Variants in NEK10 observed in about 807,000 individuals in gnomAD.
NEK10 encodes NIMA related kinase 10, also known as serine/threonine-protein kinase Nek10.
NEK10 carries 122 observed loss-of-function variants against 159.8 expected under a neutral mutation model. That is an observed-to-expected ratio of 0.76 (90% CI 0.66 to 0.89). The LOEUF (loss-of-function observed/expected upper bound fraction) is 0.89, where lower values mean the gene tolerates loss of function less well. Among genes scored for constraint, NEK10 ranks in the 40% least tolerant of loss-of-function variants. The probability of loss-of-function intolerance (pLI) is 0.00; values close to 1 mark genes in which losing one functional copy is unlikely to be tolerated. For synonymous variants in NEK10, 466 were observed against 457.1 expected (o/e 1.02, Z -0.25); for missense variants, 1,342 against 1,323.1 (o/e 1.01, Z -0.22).
At position 27,290,750 on chromosome 3, in the gene NEK10, C is replaced by T. The variant is rs1575607451; in HGVS notation, c.1610G>A (p.Arg537Lys). 1 of 1,595,640 alleles carries T rather than the reference C, an allele frequency of 6.3e-7. No homozygotes were observed. Among genetic ancestry groups the T allele is most frequent in the Non-Finnish European group, 8.5e-7 (1 of 1,172,194 alleles). ...TAAAAGATTTTGACCACTATGCTTT[C>T]TAACCTAAAATAAAGAAAAACACAA... Reference protein sequence around the residue: ...SGAFGCVYKVRKHSGQNLLAM... With the variant: ...SGAFGCVYKVKKHSGQNLLAM... Residue 537 changes from arginine to lysine, a missense_variant, in exon 19 of 36, where the codon AGA becomes AAA. Arg to Lys is a conservative substitution (Grantham distance 26). Transcript: ENST00000691995.
In NEK10 at chr3:27,310,929, CTCTT is replaced by C. The variant is rs1303606055; in HGVS notation, c.636+16_636+19del. 6.6e-7 allele frequency: 1 copy of C among 1,523,316 alleles called. No individual in the cohort carries two copies. Among genetic ancestry groups the C allele is most frequent in the Admixed American group, 1.7e-5 (1 of 59,620 alleles). The allele number at this position is 1,523,316 out of a possible 1,614,324, so 94.4% of individuals were successfully genotyped here. ...TTGCCATAGGGAGCTGAAGCATTAA[CTCTT>C]TCAGGGGCCACTCACCTTGTGGGCT... On this transcript the variant is annotated intron_variant, in intron 9 of 35. Coordinates refer to ENST00000691995, the MANE Select transcript of NEK10 (RefSeq NM_001394966.1).
intron 23 of NEK10, among the ~76,000 whole-genome samples, chr3:27,205,196 G>C (rs535550642): frequency 6.6e-6 from 1 of 151,656 alleles, no homozygotes; most frequent in Non-Finnish European, 1.5e-5. Context: ...CACTGCTCAA[G>C]GAAATAAAAG....
chr3:27,178,380 T>C (rs1049019635), intron 26 of NEK10, among the ~76,000 whole-genome samples: 2 of 152,142 alleles, frequency 1.3e-5, no homozygotes, highest in South Asian at 2.1e-4. Context: ...ATATAAAGCA[T>C]AACAACAGCT....
intron 6 of NEK10, among the ~76,000 whole-genome samples, chr3:27,319,075 G>T (rs555285810): frequency 2.0e-5 from 3 of 152,272 alleles, no homozygotes; most frequent in African/African-American, 7.2e-5. Flanking sequence ...CTAAAAACAG[G>T]TTGGGGAATG....
rs1575323460 is a variant in NEK10, at chr3:27,108,919, GT to G, written c.*2352del. Among the ~76,000 whole-genome samples, 1 of 152,192 alleles carries G rather than the reference GT, an allele frequency of 6.6e-6. No individual in the cohort carries two copies. The highest frequency in any genetic ancestry group is 1.9e-4 in the East Asian group (1 of 5,198). On this transcript the variant is annotated 3_prime_UTR_variant, in exon 36 of 36. Transcript: ENST00000691995. Reference sequence around the variant, plus strand: ...AAATATAGACTCAGTGATTGTGGTAGTTTAGGGAGAATTCAAATAGAGCATA... The same window carrying G: ...AAATATAGACTCAGTGATTGTGGTAGTTAGGGAGAATTCAAATAGAGCATA...
At position 27,290,760 on chromosome 3, in the gene NEK10, A is replaced by T; in HGVS notation, c.1606-6T>A. 6.3e-7 allele frequency: 1 copy of T among 1,588,322 alleles called. No individual in the cohort carries two copies. The highest frequency in any genetic ancestry group is 1.2e-5 in the South Asian group (1 of 86,608). ...TGACCACTATGCTTTCTAACCTAAA[A>T]TAAAGAAAAACACAACAACAACAAA... On this transcript the variant is annotated splice_polypyrimidine_tract_variant and splice_region_variant and intron_variant, in intron 18 of 35. Transcript: ENST00000691995.
At chr3:27,168,209 G>C (rs2148847700) in intron 29 of NEK10, among the ~76,000 whole-genome samples, 1 of 151,630 alleles carries the variant, frequency 6.6e-6, no homozygotes, top group African/African-American at 2.4e-5. Flanking sequence ...GAGCTGCCTA[G>C]GGTCTCCTTG....
At chr3:27,184,689 T>C (rs1298045154) in intron 26 of NEK10, among the ~76,000 whole-genome samples, 1 of 152,244 alleles carries the variant, frequency 6.6e-6, no homozygotes, top group African/African-American at 2.4e-5. Flanking sequence ...AGTCATGGTT[T>C]TTCCTGATAT....
chr3:27,152,625 G>A (rs1161676488), intron 30 of NEK10, among the ~76,000 whole-genome samples: 1 of 151,684 alleles, frequency 6.6e-6, no homozygotes, highest in African/African-American at 2.4e-5. Flanking sequence ...AAAGTACACA[G>A]GAAACAAATA....
chr3:27,347,315 C>T (rs1382425025), intron 3 of NEK10, among the ~76,000 whole-genome samples: 1 of 151,666 alleles, frequency 6.6e-6, no homozygotes, highest in Non-Finnish European at 1.5e-5. Flanking sequence ...GGGAGCCTGA[C>T]CAACATGGAG....
chr3:27,116,095 T>C lies in NEK10; in HGVS notation c.3223A>G (p.Ile1075Val). Residue 1075 changes from isoleucine (I) to valine (V), a missense_variant, in exon 34 of 36, where the codon ATA (isoleucine) becomes GTA (valine). By Grantham distance (29) the Ile-to-Val change is conservative. Coordinates refer to ENST00000691995, the MANE Select transcript of NEK10 (RefSeq NM_001394966.1). Reference protein sequence around the residue: ...LPTSIELEEGITYEQMQTVIE... With the variant: ...LPTSIELEEGVTYEQMQTVIE... ...CTCACCTGCATCTGTTCATATGTTA[T>C]TCCTTCCTCCAATTCAATGCTGGTT... 1.9e-6 allele frequency: 3 copies of C among 1,613,654 alleles called. No individual in the cohort carries two copies. The highest frequency in any genetic ancestry group is 2.5e-6 in the Non-Finnish European group (3 of 1,179,746).
chr3:27,252,787 C>G, intron 23 of NEK10: 1 of 434,204 alleles, frequency 2.3e-6, no homozygotes, highest in Non-Finnish European at 4.6e-6. Flanking sequence ...TCAGAGGGAG[C>G]CCAGATGAAA....
rs1939085049 is a variant in NEK10, at chr3:27,107,230, T to A, written c.*4042A>T. Among the ~76,000 whole-genome samples, 1 of 152,082 alleles carries A rather than the reference T, an allele frequency of 6.6e-6. No individual in the cohort carries two copies. The highest frequency in any genetic ancestry group is 2.1e-4 in the South Asian group (1 of 4,812). ...CCATGAACTCAGAAAATATGTAAATTGGCAATATCCATCAGACACCCCATG... is the reference window on the plus strand; with the variant it reads ...CCATGAACTCAGAAAATATGTAAATAGGCAATATCCATCAGACACCCCATG... On this transcript the variant is annotated 3_prime_UTR_variant, in exon 36 of 36. Coordinates refer to ENST00000691995, the MANE Select transcript of NEK10 (RefSeq NM_001394966.1).
At chr3:27,331,069 C>G (rs2046356575) in intron 5 of NEK10, among the ~76,000 whole-genome samples, 1 of 151,794 alleles carries the variant, frequency 6.6e-6, no homozygotes, top group Admixed American at 6.6e-5. Flanking sequence ...AACCCTGTCT[C>G]TACTAAAAAA....
At chr3:27,330,617 A>G (rs1416294498) in intron 5 of NEK10, among the ~76,000 whole-genome samples, 1 of 152,228 alleles carries the variant, frequency 6.6e-6, no homozygotes, top group Non-Finnish European at 1.5e-5. Flanking sequence ...AAAGCAATCA[A>G]AATAATTTAA....
intron 26 of NEK10, among the ~76,000 whole-genome samples, chr3:27,191,144 G>C (rs1180498000): frequency 1.4e-4 from 21 of 152,150 alleles, no homozygotes; most frequent in Admixed American, 1.4e-3. Context: ...TGTTATTCAA[G>C]AAATCAGAAC....
At chr3:27,128,508 G>T (rs1942231985) in intron 32 of NEK10, among the ~76,000 whole-genome samples, 1 of 152,006 alleles carries the variant, frequency 6.6e-6, no homozygotes, top group African/African-American at 2.4e-5. Context: ...TCCTCTCAAT[G>T]ATTTTGTTAA....
chr3:27,168,313 T>C (rs1222710255), intron 29 of NEK10, among the ~76,000 whole-genome samples: 1 of 152,040 alleles, frequency 6.6e-6, no homozygotes, highest in Non-Finnish European at 1.5e-5. Flanking sequence ...TTTATTTTTA[T>C]TCTATTATGT....
intron 32 of NEK10, among the ~76,000 whole-genome samples, chr3:27,125,145 C>G (rs1052519326): frequency 6.6e-6 from 1 of 152,000 alleles, no homozygotes; most frequent in African/African-American, 2.4e-5. Context: ...CTACCTCTCC[C>G]CCCAAAAAAC....
Sources: gnomAD v4.1 joint callset for allele counts (sites outside exome capture counted in the v4.1 genomes callset) on GRCh38, gnomAD v4.1.1 for gene constraint, MANE v1.5 for transcripts, NCBI Gene and HGNC (gene_info 2026-07-23, HGNC 2026-07-21) for gene names.